The following CHD1 variants were observed in gnomAD, a reference collection of about 807,000 sequenced individuals.
CHD1 encodes ATP-dependent chromatin remodeler CHD1.
Under a neutral mutation model 224.2 loss-of-function variants are expected in CHD1, and 36 were observed. The observed-to-expected ratio is 0.16, with a 90% CI of 0.12 to 0.21. CHD1 has a LOEUF of 0.21. CHD1 is among the 10% of genes least tolerant of loss of function. CHD1 has a pLI of 1.00. For synonymous variants in CHD1, 668 were observed against 658.3 expected, an observed-to-expected ratio of 1.01 and a Z score of -0.23; for missense variants, 1,378 against 1,994.8, an observed-to-expected ratio of 0.69 and a Z score of 5.89.
chr5:98,881,499 A>C (rs529476909), intron 20 of CHD1, 124 bp from the exon 21 acceptor site: 1 of 544,852 alleles, frequency 1.8e-6, no homozygotes, highest in South Asian at 3.2e-5. Context: ...TAGACAAATC[A>C]AGTATTAGAA....
chr5:98,905,175 CA>C, intron 2 of CHD1, 77 bp from the exon 3 acceptor site: 3 of 1,541,692 alleles, frequency 1.9e-6, no homozygotes, highest in Non-Finnish European at 2.6e-6. Flanking sequence ...CAGAAAGCCC[CA>C]AATCATTAAA....
intron 26 of CHD1, 39 bp downstream of exon 26, chr5:98,873,554 A>G: frequency 2.0e-6 from 3 of 1,496,408 alleles, no homozygotes; most frequent in South Asian, 1.3e-5. Context: ...TGAAGCTTTC[A>G]TTTACTTCTC....
chr5:98,911,143 AAAAATATATAT>A (rs1273993968), intron 2 of CHD1, among the ~76,000 whole-genome samples: 11 of 112,572 alleles, frequency 9.8e-5, no homozygotes, highest in South Asian at 2.9e-4. Context: ...AAAAAAAAAA[AAAAATATATAT>A]ATATATATAT....
At chr5:98,903,116 T>G in intron 4 of CHD1, 152 bp from the exon 5 acceptor site, 1 of 501,640 alleles carries the variant, frequency 2.0e-6, no homozygotes, top group Non-Finnish European at 3.5e-6. Flanking sequence ...GTTAACTAGC[T>G]GAAAGTAATA....
intron 33 of CHD1, 95 bp from the exon 34 acceptor site, chr5:98,859,110 C>A (rs1204483476): frequency 2.3e-6 from 2 of 876,884 alleles, no homozygotes; most frequent in South Asian, 3.3e-5. Context: ...ATAATGAAGT[C>A]TTCACACAAG....
At position 98,894,606 on chromosome 5, in the gene CHD1, T is replaced by C. The variant is rs748956067; in HGVS notation, c.1791A>G (p.Leu597=). The change falls in exon 13 of 36, where the codon TTA becomes TTG. Residue 597 remains leucine (L), a synonymous_variant. Coordinates refer to ENST00000614616, the MANE Select transcript of CHD1 (RefSeq NM_001270.4). ...NILLTTYEIL[L]KDKAFLGGLN... The stretch of plus-strand genomic sequence containing the variant: ...AGAAATAAATACATACCTTATCTTT[T>C]AATAAAATTTCATAAGTTGTTAACA... The C allele has an allele frequency of 7.0e-5, 91 of 1,292,582 alleles. No individual in the cohort carries two copies. The highest frequency in any genetic ancestry group is 8.8e-5 in the Non-Finnish European group (81 of 921,614). 80.1% of individuals were successfully genotyped at this position (1,292,582 alleles called of 1,614,324 possible).
intron 30 of CHD1, 99 bp downstream of exon 30, chr5:98,869,654 AC>A (rs1333477597): frequency 6.2e-6 from 8 of 1,296,984 alleles, no homozygotes; most frequent in Non-Finnish European, 8.7e-6. Context: ...ACACACACAG[AC>A]TTCGGTACCT....
intron 31 of CHD1, among the ~76,000 whole-genome samples, chr5:98,866,237 A>G (rs2112476123): frequency 6.6e-6 from 1 of 152,358 alleles, no homozygotes; most frequent in South Asian, 2.1e-4. Context: ...TATGGCTCAA[A>G]TAAATAAAAT....
intron 30 of CHD1, 92 bp downstream of exon 30, chr5:98,869,662 A>C: frequency 1.5e-6 from 2 of 1,318,694 alleles, no homozygotes; most frequent in African/African-American, 1.5e-5. Context: ...AGACTTCGGT[A>C]CCTAAAATAT....
At chr5:98,887,820 T>A (rs1287551022) in intron 17 of CHD1, among the ~76,000 whole-genome samples, 1 of 152,020 alleles carries the variant, frequency 6.6e-6, no homozygotes, top group African/African-American at 2.4e-5. Context: ...AGTTCAGTTT[T>A]TAAAATCTAA....
intron 30 of CHD1, chr5:98,869,201 T>G: frequency 1.0e-6 from 1 of 977,712 alleles, no homozygotes; most frequent in Non-Finnish European, 1.2e-6. Flanking sequence ...TATATAAACA[T>G]CTGGCTCAGG....
rs1343125265 is a variant in CHD1 at position 98,889,368 on chromosome 5, G to A, written c.2181-130C>T. The stretch of plus-strand genomic sequence containing the variant: ...AAACTGTACCGTTATAAAATTCACA[G>A]CTGTATATACAACGGACCAAACCTC... On this transcript the variant is annotated intron_variant, in intron 15 of 35. Coordinates refer to ENST00000614616, the MANE Select transcript of CHD1 (RefSeq NM_001270.4). The A allele has an allele frequency of 4.7e-6, 3 of 636,550 alleles. No individual in the cohort carries two copies. In the African/African-American group the frequency reaches 5.5e-5, roughly 12 times the overall value. 39.4% of individuals were successfully genotyped at this position (636,550 alleles called of 1,614,324 possible).
chr5:98,877,195 A>T (rs1176945310), intron 23 of CHD1, among the ~76,000 whole-genome samples: 1 of 152,168 alleles, frequency 6.6e-6, no homozygotes, highest in African/African-American at 2.4e-5. Flanking sequence ...CAAATAATCT[A>T]AATATTCATC....
chr5:98,893,051 T>C (rs952131734), intron 14 of CHD1, among the ~76,000 whole-genome samples: 4 of 152,186 alleles, frequency 2.6e-5, no homozygotes, highest in African/African-American at 7.2e-5. Context: ...TGGGAACTTA[T>C]TTAGCCTTGT....
At position 98,926,456 on chromosome 5, in the gene CHD1, C is replaced by G. The variant is rs1753462961; in HGVS notation, c.-70G>C. Reference sequence around the variant, plus strand: ...CCAGTTTAAAAGATGAATATAAATACTGACTCCTTGAATATAAAAATTCAC... The same window carrying G: ...CCAGTTTAAAAGATGAATATAAATAGTGACTCCTTGAATATAAAAATTCAC... On this transcript the variant is annotated 5_prime_UTR_variant, in exon 2 of 36. Coordinates refer to ENST00000614616, the MANE Select transcript of CHD1 (RefSeq NM_001270.4). The G allele has an allele frequency of 2.7e-6, 2 of 737,578 alleles. No homozygotes were observed. Among genetic ancestry groups the G allele is most frequent in the African/African-American group, 3.7e-5 (2 of 53,744 alleles). 45.7% of individuals were successfully genotyped at this position (737,578 alleles called of 1,614,324 possible).
chr5:98,904,493 T>G (rs978989259), intron 3 of CHD1, among the ~76,000 whole-genome samples: 1 of 152,190 alleles, frequency 6.6e-6, no homozygotes, highest in Non-Finnish European at 1.5e-5. Context: ...GAATCTGAGT[T>G]CCATTAAATT....
chr5:98,869,055 T>C, intron 30 of CHD1: 1 of 890,452 alleles, frequency 1.1e-6, no homozygotes, highest in Non-Finnish European at 1.3e-6. Context: ...ATAGCTTCTT[T>C]TACTTTGTTT....
chr5:98,906,021 T>C (rs1021132165), intron 2 of CHD1, among the ~76,000 whole-genome samples: 1 of 152,174 alleles, frequency 6.6e-6, no homozygotes, highest in Non-Finnish European at 1.5e-5. Flanking sequence ...AAAATACAAG[T>C]TTCCTGTCCT....
At chr5:98,909,691 A>C (rs748874068) in intron 2 of CHD1, among the ~76,000 whole-genome samples, 2 of 152,180 alleles carry the variant, frequency 1.3e-5, no homozygotes, top group Non-Finnish European at 2.9e-5. Context: ...AAGGGGTTTT[A>C]TTTCTTTTCC....
Sources: allele counts gnomAD v4.1 joint callset (sites outside exome capture counted in the v4.1 genomes callset), GRCh38; gene constraint gnomAD v4.1.1; transcripts MANE v1.5; gene names NCBI Gene and HGNC (gene_info 2026-07-23, HGNC 2026-07-21).